DRC8: variants seen among roughly 807,000 people sequenced by gnomAD.
DRC8 encodes the protein dynein regulatory complex protein 8.
chr1:245,049,355 T>C, the DRC8 span, among the ~76,000 whole-genome samples: 1 of 152,226 alleles, frequency 6.6e-6, no homozygotes, highest in African/African-American at 2.4e-5. The surrounding 1 kb of genome is among the most constrained non-coding windows in gnomAD (Gnocchi z 4.5). Context: ...CTCTTAAAAA[T>C]AACCTTAGAG....
At chr1:244,971,873 C>G in the DRC8 span, among the ~76,000 whole-genome samples, 1 of 147,682 alleles carries the variant, frequency 6.8e-6, no homozygotes, top group African/African-American at 2.5e-5. Context: ...TAGGTATTAG[C>G]TTTACGAAGA....
At chr1:245,109,874 C>T in the DRC8 span, among the ~76,000 whole-genome samples, 1 of 152,240 alleles carries the variant, frequency 6.6e-6, no homozygotes, top group Admixed American at 6.5e-5. Context: ...GTCCTTGCTC[C>T]TTCTCACCTA....
chr1:245,069,348 CA>C, the DRC8 span, among the ~76,000 whole-genome samples: 1 of 152,072 alleles, frequency 6.6e-6, no homozygotes, highest in East Asian at 1.9e-4. Context: ...AGTTACTATC[CA>C]ACAAGTGGAA....
chr1:245,047,651 C>T, the DRC8 span, among the ~76,000 whole-genome samples: 20,380 of 90,122 alleles, frequency 0.23, 1,746 homozygotes, highest in Middle Eastern at 0.49. Flanking sequence ...AAAAAAAAAA[C>T]GAAAAAGAAA....
chr1:245,065,073 C>CTT, the DRC8 span, among the ~76,000 whole-genome samples: 11,917 of 78,802 alleles, frequency 0.15, 723 homozygotes, highest in Non-Finnish European at 0.19. Flanking sequence ...TAACATTCTT[C>CTT]TTTTTTTTTT....
the DRC8 span, among the ~76,000 whole-genome samples, chr1:244,990,273 A>G: frequency 6.6e-6 from 1 of 152,242 alleles, no homozygotes; most frequent in African/African-American, 2.4e-5. Flanking sequence ...CCATTCATAT[A>G]GCTTCCATTA....
the DRC8 span, among the ~76,000 whole-genome samples, chr1:245,100,822 T>C: frequency 1.3e-5 from 1 of 75,680 alleles, no homozygotes; most frequent in African/African-American, 3.5e-5. Context: ...AATAAATACT[T>C]CACAGTTTGA....
At chr1:245,107,294 G>A in the DRC8 span, 1 of 151,940 alleles carries the variant, frequency 6.6e-6, no homozygotes, top group Non-Finnish European at 1.5e-5. Context: ...AAAGCGGAAA[G>A]GAGGCAAGTG....
chr1:245,060,340 A>G, the DRC8 span, among the ~76,000 whole-genome samples: 2 of 152,196 alleles, frequency 1.3e-5, no homozygotes, highest in African/African-American at 4.8e-5. Flanking sequence ...AAGGTACAAG[A>G]ATGCATGTTT....
the DRC8 span, among the ~76,000 whole-genome samples, chr1:245,031,441 G>A: frequency 5.3e-5 from 8 of 151,948 alleles, no homozygotes; most frequent in Non-Finnish European, 7.4e-5. Flanking sequence ...AACCTCCCAC[G>A]TGGGAGGTGC....
At chr1:245,100,007 T>G in the DRC8 span, among the ~76,000 whole-genome samples, 1 of 152,168 alleles carries the variant, frequency 6.6e-6, no homozygotes, top group East Asian at 1.9e-4. Flanking sequence ...TATTCATAAT[T>G]TTTTTCAGTA....
chr1:244,993,374 A>G, the DRC8 span, among the ~76,000 whole-genome samples: 2 of 152,188 alleles, frequency 1.3e-5, no homozygotes, highest in Admixed American at 6.5e-5. Flanking sequence ...CATTACAGCC[A>G]TTACAGCATC....
the DRC8 span, among the ~76,000 whole-genome samples, chr1:244,974,685 G>T: frequency 2.6e-5 from 4 of 151,712 alleles, no homozygotes; most frequent in African/African-American, 4.8e-5. Flanking sequence ...TTTTGAGACA[G>T]GGTCTTGCTC....
the DRC8 span, among the ~76,000 whole-genome samples, chr1:245,026,958 T>A: frequency 6.6e-6 from 1 of 152,210 alleles, no homozygotes; most frequent in Non-Finnish European, 1.5e-5. Context: ...CTGCAATGCT[T>A]TCTTGTCAGG....
chr1:244,971,322 G>GC, the DRC8 span, among the ~76,000 whole-genome samples: 1 of 152,252 alleles, frequency 6.6e-6, no homozygotes, highest in Non-Finnish European at 1.5e-5. Context: ...GGACCACCCA[G>GC]CCCCGCGCGG....
the DRC8 span, among the ~76,000 whole-genome samples, chr1:245,088,767 AGTGG>A: frequency 6.6e-6 from 1 of 152,180 alleles, no homozygotes; most frequent in Non-Finnish European, 1.5e-5. The surrounding 1 kb of genome is among the most constrained non-coding windows in gnomAD (Gnocchi z 4.6). Flanking sequence ...TAGTTTAGTA[AGTGG>A]GTGGCGGGGC....
At chr1:244,975,746 A>G in the DRC8 span, among the ~76,000 whole-genome samples, 4 of 151,760 alleles carry the variant, frequency 2.6e-5, no homozygotes, top group African/African-American at 4.8e-5. Context: ...TGTAATCCCA[A>G]CTACTCAGGA....
At chr1:245,109,276 T>A in the DRC8 span, among the ~76,000 whole-genome samples, 4 of 152,164 alleles carry the variant, frequency 2.6e-5, no homozygotes, top group African/African-American at 9.7e-5. Context: ...CATGAACCCC[T>A]TAGGCAGTAG....
the DRC8 span, chr1:245,059,458 G>T: frequency 6.2e-7 from 1 of 1,611,768 alleles, no homozygotes; most frequent in Non-Finnish European, 8.5e-7. Flanking sequence ...TGATTGCAGA[G>T]GTGAGTACGG....
Sources: allele counts gnomAD v4.1 joint callset (sites outside exome capture counted in the v4.1 genomes callset), GRCh38; gene constraint gnomAD v4.1.1; non-coding constraint Gnocchi (gnomAD v3.1); transcripts MANE v1.5; gene names NCBI Gene and HGNC (gene_info 2026-07-23, HGNC 2026-07-21).